NCK2: variants seen among roughly 807,000 people sequenced by gnomAD.
The protein encoded by NCK2 is cytoplasmic protein NCK2.
Under a neutral mutation model 33.9 loss-of-function variants are expected in NCK2, and 16 were observed. The ratio of observed to expected loss-of-function variants is 0.47; its 90% CI spans 0.32 to 0.72. The LOEUF is 0.72. Among genes scored for constraint, NCK2 ranks in the 30% least tolerant of loss-of-function variants. The pLI, the probability that NCK2 is intolerant of heterozygous loss-of-function variation, is 0.03. For synonymous variants in NCK2, 273 were observed against 239.9 expected, an observed-to-expected ratio of 1.14 and a Z score of -1.27; for missense variants, 418 against 537.3, an observed-to-expected ratio of 0.78 and a Z score of 2.19.
rs1177703903 is a variant in NCK2, at chr2:105,802,934, G to A, written c.-200-13496G>A. 2.6e-5 allele frequency among the ~76,000 whole-genome samples: 4 copies of A among 152,088 alleles called. No homozygotes were observed. The East Asian group carries it at 7.7e-4, about 29-fold the overall frequency. ...GTGGTGTCAGTGATGTCTGTTGTGT[G>A]TATAGCACCAAGCACAGTGCTAGCA... On this transcript the variant is annotated intron_variant, in intron 1 of 4. Coordinates refer to ENST00000233154, the MANE Select transcript of NCK2 (RefSeq NM_003581.5).
At chr2:105,849,681 T>C (rs993723745) in intron 2 of NCK2, among the ~76,000 whole-genome samples, 3 of 152,240 alleles carry the variant, frequency 2.0e-5, no homozygotes, top group African/African-American at 7.2e-5. Flanking sequence ...TTGATGGGTA[T>C]CTCTGAAGCA....
At chr2:105,814,315 A>T (rs1366500642) in intron 1 of NCK2, among the ~76,000 whole-genome samples, 1 of 152,218 alleles carries the variant, frequency 6.6e-6, no homozygotes, top group African/African-American at 2.4e-5. Context: ...AAAACATCGC[A>T]TGCAACCTTC....
chr2:105,770,577 T>C (rs1210277056), intron 1 of NCK2, among the ~76,000 whole-genome samples: 2 of 151,792 alleles, frequency 1.3e-5, no homozygotes, highest in Non-Finnish European at 2.9e-5. Context: ...ATTTTTAGAG[T>C]GTGTAGATAT....
At chr2:105,765,844 G>A (rs1472752840) in intron 1 of NCK2, among the ~76,000 whole-genome samples, 1 of 151,314 alleles carries the variant, frequency 6.6e-6, no homozygotes, top group East Asian at 1.9e-4. Flanking sequence ...AGTCTGTGGA[G>A]GTATGTGTGT....
At chr2:105,879,436 A>C (rs578219615) in intron 3 of NCK2, among the ~76,000 whole-genome samples, 17 of 152,354 alleles carry the variant, frequency 1.1e-4, no homozygotes, top group African/African-American at 4.1e-4. Flanking sequence ...ACCATCCTGC[A>C]TTTGAAATCC....
intron 1 of NCK2, among the ~76,000 whole-genome samples, chr2:105,749,582 C>T (rs571875674): frequency 3.3e-5 from 5 of 152,294 alleles, no homozygotes; most frequent in East Asian, 1.9e-4. Flanking sequence ...GGAACACCAA[C>T]GTGTTGCTGG....
intron 1 of NCK2, among the ~76,000 whole-genome samples, chr2:105,784,391 G>A (rs552659212): frequency 8.5e-5 from 13 of 152,204 alleles, no homozygotes; most frequent in Admixed American, 1.3e-4. Flanking sequence ...GAATCGGGAG[G>A]GGAGAGTTTA....
intron 1 of NCK2, among the ~76,000 whole-genome samples, chr2:105,779,277 A>G (rs180980472): frequency 6.7e-4 from 96 of 143,148 alleles, no homozygotes; most frequent in Non-Finnish European, 7.5e-4. Flanking sequence ...ACTGCACTCC[A>G]GCCTGGGCAA....
chr2:105,824,369 A>G (rs1353395818), intron 2 of NCK2, among the ~76,000 whole-genome samples: 1 of 152,200 alleles, frequency 6.6e-6, no homozygotes, highest in African/African-American at 2.4e-5. Context: ...CTTCCGGAAT[A>G]TGCCACTTAT....
chr2:105,870,836 A>G (rs1009708743), intron 3 of NCK2, among the ~76,000 whole-genome samples: 8 of 152,110 alleles, frequency 5.3e-5, no homozygotes, highest in African/African-American at 1.9e-4. Context: ...GAAATAATGT[A>G]CCACAGAGCC....
intron 1 of NCK2, among the ~76,000 whole-genome samples, chr2:105,792,833 GC>G (rs1558839318): frequency 6.6e-6 from 1 of 152,146 alleles, no homozygotes; most frequent in Non-Finnish European, 1.5e-5. Flanking sequence ...GATGGCCGTG[GC>G]CTCCACCTGT....
intron 1 of NCK2, among the ~76,000 whole-genome samples, chr2:105,767,151 C>T (rs1398556738): frequency 4.6e-5 from 7 of 152,274 alleles, no homozygotes; most frequent in Non-Finnish European, 2.9e-5. Context: ...CCTGGACCCC[C>T]GTCTGTGTTT....
At chr2:105,761,813 C>T (rs1689773822) in intron 1 of NCK2, among the ~76,000 whole-genome samples, 1 of 152,148 alleles carries the variant, frequency 6.6e-6, no homozygotes, top group Non-Finnish European at 1.5e-5. Context: ...CTGGGAGGTC[C>T]AGGCTGCAGT....
intron 1 of NCK2, among the ~76,000 whole-genome samples, chr2:105,747,057 G>A (rs968890414): frequency 6.6e-6 from 1 of 152,212 alleles, no homozygotes; most frequent in African/African-American, 2.4e-5. Flanking sequence ...CACTTGTGGA[G>A]AAACTGACCC....
chr2:105,847,901 T>TA (rs1278145822), intron 2 of NCK2, among the ~76,000 whole-genome samples: 1 of 152,086 alleles, frequency 6.6e-6, no homozygotes, highest in Admixed American at 6.6e-5. Context: ...CTGGGAGCAT[T>TA]AAAAAAAGGG....
chr2:105,845,593 A>C (rs934636932), intron 2 of NCK2, among the ~76,000 whole-genome samples: 1 of 151,832 alleles, frequency 6.6e-6, no homozygotes, highest in Admixed American at 6.6e-5. Flanking sequence ...TGAGGTTTCA[A>C]ATGTTGGCCA....
intron 1 of NCK2, among the ~76,000 whole-genome samples, chr2:105,751,157 A>G (rs149340449): frequency 3.6e-4 from 55 of 152,256 alleles, no homozygotes; most frequent in African/African-American, 1.2e-3. Flanking sequence ...GGTCATTTCC[A>G]CCATCCCAAA....
At chr2:105,838,937 A>G (rs1676534728) in intron 2 of NCK2, among the ~76,000 whole-genome samples, 2 of 152,236 alleles carry the variant, frequency 1.3e-5, no homozygotes, top group African/African-American at 4.8e-5. Flanking sequence ...AGTAATGGTA[A>G]GGGCCATGGA....
At chr2:105,776,904 T>A (rs1347186447) in intron 1 of NCK2, among the ~76,000 whole-genome samples, 1 of 151,516 alleles carries the variant, frequency 6.6e-6, no homozygotes, top group East Asian at 1.9e-4. Context: ...TTGGAGCCTC[T>A]CTCAGTAAAT....
Sources: allele counts gnomAD v4.1 joint callset (sites outside exome capture counted in the v4.1 genomes callset), GRCh38; gene constraint gnomAD v4.1.1; transcripts MANE v1.5; gene names NCBI Gene and HGNC (gene_info 2026-07-23, HGNC 2026-07-21).